PLCXD1: variants seen among roughly 807,000 people sequenced by gnomAD.
PLCXD1 encodes the protein PI-PLC X domain-containing protein 1.
PLCXD1 carries 45 observed loss-of-function variants against 37.8 expected under a neutral mutation model. The observed-to-expected ratio is 1.19, with a 90% CI of 0.94 to 1.53. The LOEUF is 1.53. PLCXD1 is among the 40% of genes most tolerant of loss of function. The pLI is 0.00. For missense variants in PLCXD1, 539 were observed against 454.7 expected, an observed-to-expected ratio of 1.19 and a Z score of -1.69; for synonymous variants, 246 against 206.9, an observed-to-expected ratio of 1.19 and a Z score of -1.62.
intron 2 of PLCXD1, among the ~76,000 whole-genome samples, chrX:285,191 C>T (rs1208597900): frequency 6.7e-6 from 1 of 150,128 alleles, no homozygotes; most frequent in Non-Finnish European, 1.5e-5. Flanking sequence ...CATATACATG[C>T]ACACACACAG....
upstream of PLCXD1, among the ~76,000 whole-genome samples, chrX:279,544 G>A (rs2069218290): frequency 6.6e-6 from 1 of 152,158 alleles, no homozygotes; most frequent in African/African-American, 2.4e-5. Flanking sequence ...AGCCAAGGCG[G>A]GCGGATCACC....
chrX:277,987 C>T (rs746474665), upstream of PLCXD1, among the ~76,000 whole-genome samples: 121 of 71,598 alleles, frequency 1.7e-3, 1 homozygote, highest in African/African-American at 6.4e-3. Context: ...CCTCAGTGGT[C>T]AGGGGACCTG....
chrX:301,227 T>G lies in PLCXD1; in HGVS notation c.*1892T>G, dbSNP rs1464989903. ...GGTTTCACCACATGGCACAGTCTGGTCTCAAATTCCTGGGCTCCAGTGATC... is the reference window on the plus strand; with the variant it reads ...GGTTTCACCACATGGCACAGTCTGGGCTCAAATTCCTGGGCTCCAGTGATC... On this transcript the variant is annotated 3_prime_UTR_variant, in exon 7 of 7. Transcript: ENST00000381657. 1 of 152,112 alleles carries G rather than the reference T, an allele frequency of 6.6e-6. No individual in the cohort carries two copies. The highest frequency in any genetic ancestry group is 1.5e-5 in the Non-Finnish European group (1 of 68,026). The allele number at this position is 152,112 out of a possible 1,614,324, so 9.4% of individuals were successfully genotyped here. A position where few individuals can be genotyped will look rare whatever the true frequency, so the allele number is the denominator to read the frequency against.
rs1391439151 is a variant in PLCXD1, at chrX:301,583, A to G, written c.*2248A>G. The G allele has an allele frequency of 6.6e-6, 1 of 152,286 alleles. No individual in the cohort carries two copies. The highest frequency in any genetic ancestry group is 1.9e-4 in the East Asian group (1 of 5,184). 9.4% of individuals were successfully genotyped at this position (152,286 alleles called of 1,614,324 possible). ...CTCAGCTTCCCAAGTAACTGGGAGTATAGGTGTACACCACCATGCCCAGCT... is the reference window on the plus strand; with the variant it reads ...CTCAGCTTCCCAAGTAACTGGGAGTGTAGGTGTACACCACCATGCCCAGCT... On this transcript the variant is annotated 3_prime_UTR_variant, in exon 7 of 7. Coordinates refer to ENST00000381657, the MANE Select transcript of PLCXD1 (RefSeq NM_018390.4).
chrX:295,744 G>C (rs1183886439), intron 6 of PLCXD1, among the ~76,000 whole-genome samples: 3 of 151,962 alleles, frequency 2.0e-5, no homozygotes, highest in African/African-American at 7.2e-5. Flanking sequence ...GGTCGGGCTG[G>C]TCTCGAACTC....
chrX:278,501 G>A (rs1217149920), upstream of PLCXD1, among the ~76,000 whole-genome samples: 3 of 152,234 alleles, frequency 2.0e-5, no homozygotes, highest in Non-Finnish European at 4.4e-5. Flanking sequence ...CACTTTGGGA[G>A]GCCAAGGCGG....
intron 2 of PLCXD1, among the ~76,000 whole-genome samples, chrX:287,679 C>G (rs181803194): frequency 0.14 from 17,885 of 126,862 alleles, 4,194 homozygotes; most frequent in African/African-American, 0.38. Flanking sequence ...TACTATATAT[C>G]TTTGTTTATA....
chrX:288,640 C>T, intron 2 of PLCXD1, 93 bp from the exon 3 acceptor site: 5 of 1,377,064 alleles, frequency 3.6e-6, no homozygotes, highest in Non-Finnish European at 5.2e-6. Flanking sequence ...GGGCGGGCAG[C>T]AGCCTGTGCT....
At chrX:295,569 G>A (rs1483169896) in intron 6 of PLCXD1, among the ~76,000 whole-genome samples, 2 of 150,842 alleles carry the variant, frequency 1.3e-5, no homozygotes, top group Non-Finnish European at 2.9e-5. Context: ...TTGTTGCCCC[G>A]GTCGGAGTGC....
At position 299,202 on chromosome X, in the gene PLCXD1, T is replaced by G; in HGVS notation, c.839T>G (p.Leu280Arg). The G allele has an allele frequency of 6.2e-7, 1 of 1,613,890 alleles. No homozygotes were observed. Among genetic ancestry groups the G allele is most frequent in the Non-Finnish European group, 8.5e-7 (1 of 1,179,842 alleles). The stretch of plus-strand genomic sequence containing the variant: ...ATGACGCTGCCCAACCTTCCGCGGC[T>G]GAGCGCGTGGGTCCGAGAGCAGTGC... ...EKMTLPNLPR[L>R]SAWVREQCPG... is the part of the protein sequence containing the mutation. The change falls in exon 7 of 7, where the codon CTG becomes CGG. Residue 280 changes from leucine to arginine, a missense_variant. Leu to Arg is a moderately radical substitution (Grantham distance 102). Coordinates refer to ENST00000381657, the MANE Select transcript of PLCXD1 (RefSeq NM_018390.4).
rs374988229 is a variant in PLCXD1, at chrX:297,139, T to C, written c.734-1958T>C. Among the ~76,000 whole-genome samples, 15 of 45,176 alleles carry C rather than the reference T, an allele frequency of 3.3e-4. 2 individuals carry two copies. The East Asian group carries it at 8.3e-3, about 25-fold the overall frequency. 29.6% of individuals were successfully genotyped at this position (45,176 alleles called of 152,430 possible). ...ATTATTCTGTCTATCACATGGGGAT[T>C]AGGACGTGGACATCTTTGGGGCCAT... On this transcript the variant is annotated intron_variant, in intron 6 of 6. Coordinates refer to ENST00000381657, the MANE Select transcript of PLCXD1 (RefSeq NM_018390.4).
chrX:299,063 A>G, intron 6 of PLCXD1, 34 bp from the exon 7 acceptor site: 1 of 1,504,458 alleles, frequency 6.6e-7, no homozygotes, highest in South Asian at 1.1e-5. Flanking sequence ...GAGGCCCGTG[A>G]CCGTGTAACC....
rs1216348751 is a variant in PLCXD1, at chrX:300,538, ACATGTATATGTGTATG to A, written c.*1220_*1235del. 3 of 138,484 alleles carry A rather than the reference ACATGTATATGTGTATG, an allele frequency of 2.2e-5. No individual in the cohort carries two copies. The highest frequency in any genetic ancestry group is 6.8e-5 in the Admixed American group (1 of 14,686). 8.6% of individuals were successfully genotyped at this position (138,484 alleles called of 1,614,324 possible). A position where few individuals can be genotyped will look rare whatever the true frequency, so the allele number is the denominator to read the frequency against. Reference sequence around the variant, plus strand: ...TGCATATGTGTATACGTGTATGCATACATGTATATGTGTATGCATGTATATGTGTATGTGTACATGT... The same window carrying A: ...TGCATATGTGTATACGTGTATGCATACATGTATATGTGTATGTGTACATGT... On this transcript the variant is annotated 3_prime_UTR_variant, in exon 7 of 7. Transcript: ENST00000381657.
chrX:295,262 C>T (rs961058863), intron 6 of PLCXD1, among the ~76,000 whole-genome samples: 23 of 152,020 alleles, frequency 1.5e-4, no homozygotes, highest in African/African-American at 4.8e-4. Context: ...CAGACAGCGT[C>T]GGCAGCCACG....
chrX:276,394 G>T (rs770794691), upstream of PLCXD1: 1 of 152,506 alleles, frequency 6.6e-6, no homozygotes, highest in East Asian at 1.9e-4. Flanking sequence ...GCGGCTGGAA[G>T]GTGAGTGTGT....
Position 293,224 on chromosome X carries a change from A to C in PLCXD1, c.733+6A>C. The C allele has an allele frequency of 6.2e-7, 1 of 1,606,080 alleles. No homozygotes were observed. Among genetic ancestry groups the C allele is most frequent in the Non-Finnish European group, 8.5e-7 (1 of 1,175,158 alleles). ...GAAGAGCTGCGGCCGCCCAGGTACCAGGTCGCCCCTCGTGGGGGTAGATTC... is the reference window on the plus strand; with the variant it reads ...GAAGAGCTGCGGCCGCCCAGGTACCCGGTCGCCCCTCGTGGGGGTAGATTC... On this transcript the variant is annotated splice_donor_region_variant and intron_variant, in intron 6 of 6. Coordinates refer to ENST00000381657, the MANE Select transcript of PLCXD1 (RefSeq NM_018390.4).
At chrX:285,054 TCACATACATAGGTG>T (rs1178143532) in intron 2 of PLCXD1, among the ~76,000 whole-genome samples, 1 of 151,912 alleles carries the variant, frequency 6.6e-6, no homozygotes, top group Non-Finnish European at 1.5e-5. Flanking sequence ...CCGAGCCATA[TCACATACATAGGTG>T]CACATAGGCA....
intron 6 of PLCXD1, among the ~76,000 whole-genome samples, chrX:295,249 G>A (rs766255987): frequency 6.6e-6 from 1 of 152,228 alleles, no homozygotes; most frequent in South Asian, 2.1e-4. Context: ...GGGGTGTGAG[G>A]TGCAGACAGC....
intron 2 of PLCXD1, among the ~76,000 whole-genome samples, chrX:284,813 A>C (rs1373252533): frequency 2.0e-5 from 3 of 152,236 alleles, no homozygotes; most frequent in Non-Finnish European, 4.4e-5. Flanking sequence ...CAATCACGGC[A>C]GAAGGTGAAT....
Sources: gnomAD v4.1 joint callset for allele counts (sites outside exome capture counted in the v4.1 genomes callset) on GRCh38, gnomAD v4.1.1 for gene constraint, MANE v1.5 for transcripts, NCBI Gene and HGNC (gene_info 2026-07-23, HGNC 2026-07-21) for gene names.